Variants in PPP2R1A observed in about 807,000 individuals in gnomAD.
The protein encoded by PPP2R1A is serine/threonine-protein phosphatase 2A 65 kDa regulatory subunit A alpha isoform.
PPP2R1A carries 15 observed loss-of-function variants against 67.1 expected under a neutral mutation model. The observed-to-expected ratio is 0.22, with a 90% confidence interval of 0.15 to 0.34. The LOEUF is 0.34. Among genes scored for constraint, PPP2R1A ranks in the 10% least tolerant of loss-of-function variants. The probability of loss-of-function intolerance (pLI) is 1.00; values close to 1 mark genes in which losing one functional copy is unlikely to be tolerated. For synonymous variants in PPP2R1A, 337 were observed against 325.0 expected (o/e 1.04, Z -0.40); for missense variants, 369 against 775.0 (o/e 0.48, Z 6.22).
chr19:52,192,069 G>A (rs947025513), intron 1 of PPP2R1A, among the ~76,000 whole-genome samples: 1 of 152,072 alleles, frequency 6.6e-6, no homozygotes, highest in Non-Finnish European at 1.5e-5. Flanking sequence ...GAGAGATGGG[G>A]TATATATAGG....
chr19:52,194,660 G>T (rs879789177), intron 1 of PPP2R1A, among the ~76,000 whole-genome samples: 3 of 152,046 alleles, frequency 2.0e-5, no homozygotes, highest in Admixed American at 2.0e-4. Context: ...AGAGTTGAGG[G>T]TGACTGAAGT....
intron 1 of PPP2R1A, among the ~76,000 whole-genome samples, chr19:52,200,039 C>T (rs1051591091): frequency 1.5e-4 from 23 of 152,282 alleles, no homozygotes; most frequent in African/African-American, 5.3e-4. Flanking sequence ...ACTCCTGGAC[C>T]GGAGAACCCA....
chr19:52,192,198 G>T (rs1188087272), intron 1 of PPP2R1A, among the ~76,000 whole-genome samples: 1 of 152,154 alleles, frequency 6.6e-6, no homozygotes, highest in African/African-American at 2.4e-5. Context: ...TTTTAAGAAG[G>T]CCAATCAGGC....
intron 1 of PPP2R1A, among the ~76,000 whole-genome samples, chr19:52,197,744 C>T (rs1428485659): frequency 6.6e-6 from 1 of 152,114 alleles, no homozygotes. Context: ...GGTTAAGAAC[C>T]TGGTGGCTGG....
At position 52,216,214 on chromosome 19, in the gene PPP2R1A, G is replaced by A; in HGVS notation, c.993+140G>A. 5.2e-6 allele frequency: 5 copies of A among 956,314 alleles called. No individual in the cohort carries two copies. In the South Asian group the frequency reaches 7.9e-5, roughly 15 times the overall value. 59.2% of individuals were successfully genotyped at this position (956,314 alleles called of 1,614,324 possible). A position where few individuals can be genotyped will look rare whatever the true frequency, so the allele number is the denominator to read the frequency against. The stretch of plus-strand genomic sequence containing the variant: ...CCAGGCAGCTCTTGGGTTTCAAGCA[G>A]TTAGGGGTCCTGACTGCAGCTTGAG... On this transcript the variant is annotated intron_variant, in intron 8 of 14. Coordinates refer to ENST00000322088, the MANE Select transcript of PPP2R1A (RefSeq NM_014225.6). The surrounding 1 kb of genome is among the most constrained non-coding windows in gnomAD (Gnocchi z 4.3).
intron 1 of PPP2R1A, among the ~76,000 whole-genome samples, chr19:52,194,569 G>C (rs930585839): frequency 3.3e-5 from 5 of 152,050 alleles, no homozygotes; most frequent in African/African-American, 1.2e-4. Flanking sequence ...ACCAGTGTTA[G>C]CATGCAGGGG....
intron 9 of PPP2R1A, among the ~76,000 whole-genome samples, chr19:52,217,976 T>C (rs1434119953): frequency 6.6e-6 from 1 of 152,102 alleles, no homozygotes; most frequent in African/African-American, 2.4e-5. Flanking sequence ...AGCAGCAGTG[T>C]AGGCAGACCA....
At position 52,216,918 on chromosome 19, in the gene PPP2R1A, G is replaced by A. The variant is rs867638259; in HGVS notation, c.1128+255G>A. On this transcript the variant is annotated intron_variant, in intron 9 of 14. Transcript: ENST00000322088. The surrounding 1 kb of genome is among the most constrained non-coding windows in gnomAD (Gnocchi z 4.3). ...AAAGTTTTTATTTATGGCCAGGCGC[G>A]GTGGCTCACGCCTGTAATCCCAGCA... 5.3e-5 allele frequency among the ~76,000 whole-genome samples: 8 copies of A among 152,166 alleles called. No homozygotes were observed. The highest frequency in any genetic ancestry group is 1.2e-4 in the Non-Finnish European group (8 of 68,036).
intron 1 of PPP2R1A, among the ~76,000 whole-genome samples, chr19:52,195,545 C>G (rs2089490217): frequency 6.6e-6 from 1 of 152,208 alleles, no homozygotes; most frequent in South Asian, 2.1e-4. Flanking sequence ...AAAACTGCCC[C>G]TTGGCCCTCG....
chr19:52,223,544 TG>T (rs770880910), intron 13 of PPP2R1A, among the ~76,000 whole-genome samples: 1 of 152,044 alleles, frequency 6.6e-6, no homozygotes, highest in Non-Finnish European at 1.5e-5. Flanking sequence ...AAGAAAGAGA[TG>T]GGGAAAAAGA....
At chr19:52,220,140 G>C (rs200856735) in intron 10 of PPP2R1A, 49 bp from the exon 11 acceptor site, 46 of 1,586,984 alleles carry the variant, frequency 2.9e-5, no homozygotes, top group Non-Finnish European at 3.5e-5. Flanking sequence ...AGCTCCCCCT[G>C]TTTGCTCTCC....
intron 1 of PPP2R1A, among the ~76,000 whole-genome samples, chr19:52,196,583 C>T (rs1417270450): frequency 6.6e-6 from 1 of 152,100 alleles, no homozygotes; most frequent in Non-Finnish European, 1.5e-5. Context: ...TATCTCTTTG[C>T]CAAGAACTAG....
chr19:52,218,096 C>T (rs1445357202), intron 9 of PPP2R1A, among the ~76,000 whole-genome samples: 1 of 152,078 alleles, frequency 6.6e-6, no homozygotes, highest in East Asian at 1.9e-4. Flanking sequence ...CAGAAGGGAC[C>T]ACGTGGTGGT....
intron 1 of PPP2R1A, among the ~76,000 whole-genome samples, chr19:52,199,740 A>G (rs928321345): frequency 6.6e-6 from 1 of 152,228 alleles, no homozygotes; most frequent in Non-Finnish European, 1.5e-5. Flanking sequence ...GCTGACTTCT[A>G]GCATAGTGCA....
At chr19:52,206,170 C>G in intron 3 of PPP2R1A, 107 bp downstream of exon 3, 1 of 947,582 alleles carries the variant, frequency 1.1e-6, no homozygotes, top group Non-Finnish European at 1.6e-6. Context: ...GGGATCACGT[C>G]AGAACAGCCG....
At chr19:52,206,132 C>A in intron 3 of PPP2R1A, 69 bp downstream of exon 3, 3 of 1,417,082 alleles carry the variant, frequency 2.1e-6, no homozygotes, top group Middle Eastern at 2.1e-4. Context: ...CGGCCTAGGG[C>A]AGGGAGGGGA....
At chr19:52,208,458 C>T (rs1011206639) in intron 3 of PPP2R1A, among the ~76,000 whole-genome samples, 1 of 152,044 alleles carries the variant, frequency 6.6e-6, no homozygotes, top group East Asian at 1.9e-4. Context: ...TGTGAGCCAC[C>T]GTGCCTGGGT....
At position 52,227,491 on chromosome 19, in the gene PPP2R1A, G is replaced by C. The variant is rs962825171; in HGVS notation, c.*1510G>C. The C allele has an allele frequency of 2.0e-5, 3 of 152,340 alleles. No individual in the cohort carries two copies. Among genetic ancestry groups the C allele is most frequent in the African/African-American group, 4.8e-5 (2 of 41,428 alleles). The allele number at this position is 152,340 out of a possible 1,614,324, so 9.4% of individuals were successfully genotyped here. ...ACCGGAATTCTAACTGATGGAGGGA[G>C]GGGCCCAGAGCACCCTGGAGAAAGG... On this transcript the variant is annotated 3_prime_UTR_variant, in exon 15 of 15. Coordinates refer to ENST00000322088, the MANE Select transcript of PPP2R1A (RefSeq NM_014225.6).
intron 1 of PPP2R1A, among the ~76,000 whole-genome samples, chr19:52,192,210 A>G (rs547477540): frequency 5.9e-5 from 9 of 152,142 alleles, no homozygotes; most frequent in Non-Finnish European, 4.4e-5. Flanking sequence ...CAATCAGGCA[A>G]GGCCCCTCTG....
Sources: allele counts gnomAD v4.1 joint callset (sites outside exome capture counted in the v4.1 genomes callset), GRCh38; gene constraint gnomAD v4.1.1; non-coding constraint Gnocchi (gnomAD v3.1); transcripts MANE v1.5; gene names NCBI Gene and HGNC (gene_info 2026-07-23, HGNC 2026-07-21).